The following AMZ1 variants were observed in gnomAD, a reference collection of about 807,000 sequenced individuals.
AMZ1 encodes archaemetzincin-1.
Under a neutral mutation model 29.9 loss-of-function variants are expected in AMZ1, and 39 were observed. That is an observed-to-expected ratio of 1.30 (90% confidence interval 1.01 to 1.70). The LOEUF is 1.70. Among genes scored for constraint, AMZ1 ranks in the 40% most tolerant of loss-of-function variants. AMZ1 has a pLI of 0.00. For missense variants in AMZ1, 1,041 were observed against 680.6 expected (o/e 1.53, Z -5.89); for synonymous variants, 458 against 304.0 (o/e 1.51, Z -5.27).
chr7:2,706,388 G>A (rs62441368), intron 3 of AMZ1, among the ~76,000 whole-genome samples: 16,584 of 152,276 alleles, frequency 0.11, 1,697 homozygotes, highest in East Asian at 0.56. Context: ...AGAGTAGCAT[G>A]CTTTGGATCA....
At chr7:2,749,210 A>G (rs1472316293) in intron 4 of AMZ1, among the ~76,000 whole-genome samples, 1 of 152,228 alleles carries the variant, frequency 6.6e-6, no homozygotes, top group African/African-American at 2.4e-5. Context: ...ACACATGCAC[A>G]CGTGTGTTTA....
chr7:2,752,215 T>C (rs1214324020), intron 4 of AMZ1, among the ~76,000 whole-genome samples: 1 of 152,020 alleles, frequency 6.6e-6, no homozygotes, highest in Non-Finnish European at 1.5e-5. Context: ...AAAAAAAGCA[T>C]GTGAAAAAAT....
At chr7:2,728,577 T>C (rs929896669) in intron 4 of AMZ1, 1 of 152,626 alleles carries the variant, frequency 6.6e-6, no homozygotes, top group Non-Finnish European at 1.5e-5. Context: ...AGGAACTTTA[T>C]TGTTACATTT....
chr7:2,731,815 A>G lies in AMZ1; in HGVS notation n.550+21999A>G. 1 of 815,780 alleles carries G rather than the reference A, an allele frequency of 1.2e-6. No homozygotes were observed. The highest frequency in any genetic ancestry group is 2.7e-5 in the East Asian group (1 of 37,498). 50.5% of individuals were successfully genotyped at this position (815,780 alleles called of 1,614,324 possible). Reference sequence around the variant, plus strand: ...AGAAAGAACAGAGAAAATAGAAACAAAAAGATGGCAAAAAGATAAGAAGGA... The same window carrying G: ...AGAAAGAACAGAGAAAATAGAAACAGAAAGATGGCAAAAAGATAAGAAGGA... On this transcript the variant is annotated intron_variant and non_coding_transcript_variant, in intron 4 of 4. Transcript: ENST00000489665. This position sits in a 1 kb window ranked among gnomAD's most constrained non-coding sequence, Gnocchi z 6.0.
rs144827365 is a variant in AMZ1, at chr7:2,700,637, G to C, written c.186G>C (p.Thr62=). Residue 62 remains threonine (T), a synonymous_variant, in exon 2 of 7, where the codon ACG becomes ACC. Coordinates refer to ENST00000683327, the MANE Select transcript of AMZ1 (RefSeq NM_001384743.1). ...TCTTCTGCACCCTGCTCATCCGCAC[G>C]GGCTTCGACTGGCTCCTGAGCCGAC... ...RTLFCTLLIR[T]GFDWLLSRPE... is the part of the protein sequence containing the mutation. The C allele has an allele frequency of 6.2e-7, 1 of 1,611,726 alleles. No homozygotes were observed.
At chr7:2,733,531 A>G (rs1790007282) in intron 4 of AMZ1, 2 of 1,575,126 alleles carry the variant, frequency 1.3e-6, no homozygotes, top group South Asian at 2.2e-5. Context: ...TTCACAGCTC[A>G]GTCTGGACTG....
chr7:2,680,605 C>A (rs1322665143), intron 1 of AMZ1, among the ~76,000 whole-genome samples: 1 of 152,234 alleles, frequency 6.6e-6, no homozygotes, highest in African/African-American at 2.4e-5. Flanking sequence ...GACCCCAGCT[C>A]CGACTATGTG....
At chr7:2,762,996 G>C, upstream of AMZ1, 1 of 1,295,708 alleles carries the variant, frequency 7.7e-7, no homozygotes, top group Non-Finnish European at 9.8e-7. Context: ...GTGTGCTACT[G>C]TGGTCGCCAA....
At position 2,731,044 on chromosome 7, in the gene AMZ1, C is replaced by A. The variant is rs12721530; in HGVS notation, n.550+21228C>A. The A allele has an allele frequency of 3.8e-3, 2,332 of 610,000 alleles. 8 individuals carry two copies. Among genetic ancestry groups the A allele is most frequent in the Middle Eastern group, 7.6e-3 (18 of 2,366 alleles). The allele number at this position is 610,000 out of a possible 1,614,324, so 37.8% of individuals were successfully genotyped here. On this transcript the variant is annotated intron_variant and non_coding_transcript_variant, in intron 4 of 4. Transcript: ENST00000489665. This position sits in a 1 kb window ranked among gnomAD's most constrained non-coding sequence, Gnocchi z 6.0. Reference sequence around the variant, plus strand: ...AGAGCTCGCTGGCTGGCTGGTCTGACAGCATTCCTGAGCCAGGTATTCCAG... The same window carrying A: ...AGAGCTCGCTGGCTGGCTGGTCTGAAAGCATTCCTGAGCCAGGTATTCCAG...
At chr7:2,759,975 G>C (rs1267134502), upstream of AMZ1, among the ~76,000 whole-genome samples, 1 of 152,208 alleles carries the variant, frequency 6.6e-6, no homozygotes, top group Non-Finnish European at 1.5e-5. Flanking sequence ...CAGTGGCTTT[G>C]TCACATGACC....
At chr7:2,704,588 C>G (rs77781918) in intron 3 of AMZ1, among the ~76,000 whole-genome samples, 3 of 83,880 alleles carry the variant, frequency 3.6e-5, no homozygotes, top group East Asian at 5.5e-4. Context: ...CAGTGTCACG[C>G]TTTTTTTTTT....
At chr7:2,708,326 C>A (rs1168551382) in intron 3 of AMZ1, among the ~76,000 whole-genome samples, 1 of 152,168 alleles carries the variant, frequency 6.6e-6, no homozygotes, top group East Asian at 1.9e-4. Context: ...TCTTGTTGGC[C>A]CGGCTGCCTC....
chr7:2,720,779 G>T (rs1036161690), downstream of AMZ1, among the ~76,000 whole-genome samples: 1 of 152,086 alleles, frequency 6.6e-6, no homozygotes, highest in South Asian at 2.1e-4. Flanking sequence ...GGGCTCAAGC[G>T]ACTCTCCTGC....
chr7:2,700,839 C>G, intron 2 of AMZ1, 84 bp downstream of exon 2: 2 of 1,507,618 alleles, frequency 1.3e-6, no homozygotes, highest in South Asian at 1.2e-5. Flanking sequence ...TGCATAGCCC[C>G]CAGGCAGGAC....
intron 4 of AMZ1, 41 bp from the exon 5 acceptor site, chr7:2,709,034 G>A: frequency 2.0e-6 from 3 of 1,529,468 alleles, no homozygotes; most frequent in Non-Finnish European, 1.8e-6. Flanking sequence ...CCAGAGCCAA[G>A]GCTGACCCCT....
At chr7:2,749,189 C>A (rs1202541342) in intron 4 of AMZ1, among the ~76,000 whole-genome samples, 1 of 152,122 alleles carries the variant, frequency 6.6e-6, no homozygotes, top group Non-Finnish European at 1.5e-5. Context: ...ATAAATCATG[C>A]TGCTATAAAG....
chr7:2,761,905 G>A (rs1489673402), upstream of AMZ1, among the ~76,000 whole-genome samples: 2 of 152,174 alleles, frequency 1.3e-5, no homozygotes, highest in Non-Finnish European at 2.9e-5. Context: ...TTTCCCATCT[G>A]TCGTATCCAC....
At chr7:2,738,758 T>G (rs1413620940) in intron 4 of AMZ1, among the ~76,000 whole-genome samples, 1 of 152,160 alleles carries the variant, frequency 6.6e-6, no homozygotes, top group Non-Finnish European at 1.5e-5. Context: ...GAACCCAAAT[T>G]AAAGCAAATG....
chr7:2,683,103 C>T (rs984147697), intron 1 of AMZ1, among the ~76,000 whole-genome samples: 3 of 152,226 alleles, frequency 2.0e-5, no homozygotes, highest in Admixed American at 2.0e-4. Context: ...GCCAATGCCC[C>T]GGGAGAGTTT....
Sources: allele counts gnomAD v4.1 joint callset (sites outside exome capture counted in the v4.1 genomes callset), GRCh38; gene constraint gnomAD v4.1.1; non-coding constraint Gnocchi (gnomAD v3.1); transcripts MANE v1.5; gene names NCBI Gene and HGNC (gene_info 2026-07-23, HGNC 2026-07-21).